Variants in MAP3K7CL observed in about 807,000 individuals in gnomAD.
MAP3K7CL encodes the protein MAP3K7 C-terminal like, also known as MAP3K7 C-terminal-like protein.
A neutral mutation model predicts 18.6 loss-of-function variants in MAP3K7CL; 16 were observed. That is an observed-to-expected ratio of 0.86 (90% CI 0.58 to 1.31). The LOEUF (loss-of-function observed/expected upper bound fraction) is 1.31, where lower values mean the gene tolerates loss of function less well. Among genes scored for constraint, MAP3K7CL ranks in the 50% most tolerant of loss-of-function variants. MAP3K7CL has a pLI of 0.00. For synonymous variants in MAP3K7CL, 65 were observed against 66.8 expected, an observed-to-expected ratio of 0.97 and a Z score of 0.13; for missense variants, 163 against 174.4, an observed-to-expected ratio of 0.93 and a Z score of 0.37.
chr21:29,112,918 C>T (rs149847977), intron 4 of MAP3K7CL, among the ~76,000 whole-genome samples: 12,561 of 151,926 alleles, frequency 0.083, 672 homozygotes, highest in Non-Finnish European at 0.12. Context: ...AAGCGATTCT[C>T]CTGTCTCAGC....
chr21:29,110,257 C>T (rs2086396294), intron 4 of MAP3K7CL, among the ~76,000 whole-genome samples: 1 of 152,230 alleles, frequency 6.6e-6, no homozygotes, highest in African/African-American at 2.4e-5. Flanking sequence ...CCCTCCATCA[C>T]TCACATCAAT....
chr21:29,134,958 G>A (rs113575081), intron 2 of MAP3K7CL, among the ~76,000 whole-genome samples: 1 of 152,034 alleles, frequency 6.6e-6, no homozygotes, highest in Admixed American at 6.6e-5. Context: ...GGCTGAGGCA[G>A]GAGAATGGTG....
Position 29,108,234 on chromosome 21 carries a change from G to A in MAP3K7CL, c.370+15653G>A, listed in dbSNP as rs183380909. ...TCAGATAGGCTTAGTGTCCTTATAA[G>A]AAGAGATACCAGATAGCCCCCTCTC... On this transcript the variant is annotated intron_variant, in intron 4 of 6. Transcript: ENST00000286791. 4.4e-3 allele frequency among the ~76,000 whole-genome samples: 668 copies of A among 152,198 alleles called. 2 individuals carry two copies. Among genetic ancestry groups the A allele is most frequent in the Non-Finnish European group, 7.5e-3 (512 of 68,004 alleles).
chr21:29,104,720 C>T (rs1293205281), intron 4 of MAP3K7CL, among the ~76,000 whole-genome samples: 7 of 152,208 alleles, frequency 4.6e-5, no homozygotes, highest in Admixed American at 4.6e-4. Flanking sequence ...TCTCCAATTA[C>T]AGCACTCCAG....
At chr21:29,095,736 C>A (rs1428383860) in intron 4 of MAP3K7CL, among the ~76,000 whole-genome samples, 1 of 152,080 alleles carries the variant, frequency 6.6e-6, no homozygotes, top group Non-Finnish European at 1.5e-5. Flanking sequence ...GTTTCTAATT[C>A]TGTAGGTTCT....
At chr21:29,118,690 T>A (rs1056655459) in intron 4 of MAP3K7CL, among the ~76,000 whole-genome samples, 1 of 152,132 alleles carries the variant, frequency 6.6e-6, no homozygotes, top group Admixed American at 6.5e-5. Flanking sequence ...CTGAGAGAAG[T>A]TCGGTGTGAC....
intron 4 of MAP3K7CL, among the ~76,000 whole-genome samples, chr21:29,115,051 A>G (rs1331268985): frequency 6.6e-6 from 1 of 152,198 alleles, no homozygotes; most frequent in Non-Finnish European, 1.5e-5. Flanking sequence ...CCCATTGGAC[A>G]GCAGGGGGTT....
chr21:29,139,066 A>T (rs540332828), intron 2 of MAP3K7CL, among the ~76,000 whole-genome samples: 1 of 152,372 alleles, frequency 6.6e-6, no homozygotes, highest in South Asian at 2.1e-4. Context: ...TCCGGAACCC[A>T]TACCATTGGT....
At chr21:29,126,341 A>G (rs2146605473), upstream of MAP3K7CL, among the ~76,000 whole-genome samples, 1 of 152,374 alleles carries the variant, frequency 6.6e-6, no homozygotes, top group African/African-American at 2.4e-5. Context: ...GAGCCCATCC[A>G]TTCCTATACA....
At chr21:29,133,117 GA>G (rs949537626) in intron 1 of MAP3K7CL, among the ~76,000 whole-genome samples, 188 bp from the exon 2 acceptor site, 7 of 151,972 alleles carry the variant, frequency 4.6e-5, no homozygotes, top group African/African-American at 1.2e-4. Context: ...CTTGAGCCAA[GA>G]AAAAAAGATT....
At chr21:29,144,139 T>C (rs1402737958) in intron 2 of MAP3K7CL, among the ~76,000 whole-genome samples, 1 of 151,790 alleles carries the variant, frequency 6.6e-6, no homozygotes. Flanking sequence ...TAATTCCCCA[T>C]GTTTTAGGGA....
intron 2 of MAP3K7CL, among the ~76,000 whole-genome samples, chr21:29,138,856 G>T (rs781064923): frequency 6.6e-6 from 1 of 152,068 alleles, no homozygotes; most frequent in Non-Finnish European, 1.5e-5. Context: ...GTGCATGTCT[G>T]CAGTCCCAAT....
chr21:29,167,793 C>T (rs930338923), intron 4 of MAP3K7CL, among the ~76,000 whole-genome samples: 1 of 150,508 alleles, frequency 6.6e-6, no homozygotes, highest in Non-Finnish European at 1.5e-5. Context: ...TCCATCTCCC[C>T]GGTTCATGCC....
chr21:29,096,217 A>G (rs1196860224), intron 4 of MAP3K7CL, among the ~76,000 whole-genome samples: 1 of 152,224 alleles, frequency 6.6e-6, no homozygotes, highest in Admixed American at 6.5e-5. Flanking sequence ...CAATACACAT[A>G]GAAAACACCA....
chr21:29,103,998 A>T (rs1444863975), intron 4 of MAP3K7CL, among the ~76,000 whole-genome samples: 4 of 152,102 alleles, frequency 2.6e-5, no homozygotes, highest in Admixed American at 1.3e-4. Flanking sequence ...GATACCTAAT[A>T]TGGAGGAAAC....
chr21:29,132,333 T>C (rs2832206), intron 1 of MAP3K7CL, among the ~76,000 whole-genome samples: 7,667 of 152,210 alleles, frequency 0.05, 450 homozygotes, highest in East Asian at 0.17. Flanking sequence ...TAAATGATGA[T>C]TTGATAGCTG....
At chr21:29,165,818 T>C (rs1030047830) in intron 4 of MAP3K7CL, among the ~76,000 whole-genome samples, 7 of 152,226 alleles carry the variant, frequency 4.6e-5, no homozygotes, top group African/African-American at 9.6e-5. Flanking sequence ...GTGATCGGGC[T>C]GCTAAAGTGC....
chr21:29,103,497 G>A (rs769889952), intron 4 of MAP3K7CL, among the ~76,000 whole-genome samples: 3 of 152,144 alleles, frequency 2.0e-5, no homozygotes, highest in Admixed American at 6.5e-5. Flanking sequence ...TTGGGAGGCC[G>A]AAGAGGGCAG....
Position 29,175,788 on chromosome 21 carries a change from T to C in MAP3K7CL, c.*896T>C, listed in dbSNP as rs1181410630. On this transcript the variant is annotated 3_prime_UTR_variant, in exon 5 of 5. Transcript: ENST00000399928. ...AATTCAGAATTGAAACAATTTCTCC[T>C]TGTTCTACCTATCACCACATTTTCT... The C allele has an allele frequency of 6.6e-6, 1 of 152,276 alleles. No individual in the cohort carries two copies. The highest frequency in any genetic ancestry group is 2.1e-4 in the South Asian group (1 of 4,838). The allele number at this position is 152,276 out of a possible 1,614,324, so 9.4% of individuals were successfully genotyped here. A position where few individuals can be genotyped will look rare whatever the true frequency, so the allele number is the denominator to read the frequency against.
Sources: gnomAD v4.1 joint callset for allele counts (sites outside exome capture counted in the v4.1 genomes callset) on GRCh38, gnomAD v4.1.1 for gene constraint, MANE v1.5 for transcripts, NCBI Gene and HGNC (gene_info 2026-07-23, HGNC 2026-07-21) for gene names.